Variants in RAP1GDS1 observed in about 807,000 individuals in gnomAD.
The protein encoded by RAP1GDS1 is RAP1, GTP-GDP dissociation stimulator 1.
Under a neutral mutation model 71.1 loss-of-function variants are expected in RAP1GDS1, and 35 were observed. The observed-to-expected ratio is 0.49, with a 90% CI of 0.38 to 0.65. The LOEUF is 0.65. RAP1GDS1 is among the 30% of genes least tolerant of loss of function. The pLI, the probability that RAP1GDS1 is intolerant of heterozygous loss-of-function variation, is 0.00. For missense variants in RAP1GDS1, 663 were observed against 706.1 expected (o/e 0.94, Z 0.69); for synonymous variants, 229 against 243.1 (o/e 0.94, Z 0.54).
chr4:98,289,554 C>CAAAAAAAAAAAAAA (rs6148589), intron 1 of RAP1GDS1, among the ~76,000 whole-genome samples: 2 of 101,976 alleles, frequency 2.0e-5, no homozygotes, highest in Non-Finnish European at 2.0e-5. Flanking sequence ...CTCTGGTAAA[C>CAAAAAAAAAAAAAA]AAAAAAAAAA....
At chr4:98,306,326 T>C (rs189083863) in intron 2 of RAP1GDS1, among the ~76,000 whole-genome samples, 1 of 152,292 alleles carries the variant, frequency 6.6e-6, no homozygotes, top group Admixed American at 6.5e-5. Flanking sequence ...CCATACCTCA[T>C]TGATGGTACC....
At chr4:98,325,452 G>A (rs1374488259) in intron 2 of RAP1GDS1, among the ~76,000 whole-genome samples, 1 of 151,784 alleles carries the variant, frequency 6.6e-6, no homozygotes, top group African/African-American at 2.4e-5. Flanking sequence ...AAATCATGCT[G>A]CTATAAAGAC....
At chr4:98,358,902 A>T (rs1738324850) in intron 4 of RAP1GDS1, among the ~76,000 whole-genome samples, 1 of 151,164 alleles carries the variant, frequency 6.6e-6, no homozygotes, top group Non-Finnish European at 1.5e-5. Flanking sequence ...TTTTTTTTTT[A>T]AATAACTTCT....
chr4:98,293,962 T>A (rs1727354573), intron 2 of RAP1GDS1, among the ~76,000 whole-genome samples: 1 of 152,164 alleles, frequency 6.6e-6, no homozygotes, highest in Non-Finnish European at 1.5e-5. Context: ...AAAATAATTG[T>A]ACCTTAAAAT....
At chr4:98,356,935 T>G (rs1471917410) in intron 4 of RAP1GDS1, among the ~76,000 whole-genome samples, 1 of 151,976 alleles carries the variant, frequency 6.6e-6, no homozygotes, top group Non-Finnish European at 1.5e-5. Context: ...CTACACTATT[T>G]TAATATAAAG....
chr4:98,289,586 T>G (rs1313751381), intron 1 of RAP1GDS1, among the ~76,000 whole-genome samples: 2 of 145,044 alleles, frequency 1.4e-5, no homozygotes, highest in African/African-American at 5.1e-5. Flanking sequence ...GAAAGAAAAG[T>G]AGGAAACTGA....
chr4:98,418,890 A>G (rs1277598410), intron 10 of RAP1GDS1, 99 bp downstream of exon 10: 2 of 1,176,166 alleles, frequency 1.7e-6, no homozygotes, highest in East Asian at 6.0e-5. Context: ...TCTGATGAAG[A>G]AAATTTAAAA....
intron 3 of RAP1GDS1, among the ~76,000 whole-genome samples, chr4:98,348,265 T>C (rs1313439751): frequency 1.3e-5 from 2 of 152,178 alleles, no homozygotes; most frequent in East Asian, 1.9e-4. Flanking sequence ...GGTTTCCACC[T>C]TCATCCATGT....
chr4:98,426,067 A>G (rs28882140), intron 12 of RAP1GDS1, among the ~76,000 whole-genome samples: 8,398 of 152,212 alleles, frequency 0.055, 610 homozygotes, highest in African/African-American at 0.17. Context: ...TCAACTCCAA[A>G]AGGAACCTTC....
intron 4 of RAP1GDS1, among the ~76,000 whole-genome samples, chr4:98,375,792 C>A (rs1741086980): frequency 6.6e-6 from 1 of 152,134 alleles, no homozygotes. Flanking sequence ...CTACTATATA[C>A]TAGGCATTTG....
intron 2 of RAP1GDS1, among the ~76,000 whole-genome samples, chr4:98,336,582 C>G (rs1734748537): frequency 6.6e-6 from 1 of 152,042 alleles, no homozygotes; most frequent in South Asian, 2.1e-4. Context: ...GGTTTTTGTT[C>G]TGCTATCTTT....
intron 1 of RAP1GDS1, among the ~76,000 whole-genome samples, chr4:98,262,044 G>A (rs774637580): frequency 5.3e-5 from 8 of 152,228 alleles, no homozygotes; most frequent in Non-Finnish European, 1.0e-4. Flanking sequence ...TCCTCATCCC[G>A]GGCGGGGAAG....
intron 6 of RAP1GDS1, among the ~76,000 whole-genome samples, chr4:98,400,528 TAAAAA>T (rs774732053): frequency 1.3e-5 from 1 of 74,382 alleles, no homozygotes; most frequent in African/African-American, 4.4e-5. Context: ...TTTATAGAAG[TAAAAA>T]AAAAAAAAAA....
Position 98,442,121 on chromosome 4 carries a change from C to G in RAP1GDS1, c.*4C>G. 1 of 1,612,212 alleles carries G rather than the reference C, an allele frequency of 6.2e-7. No individual in the cohort carries two copies. The highest frequency in any genetic ancestry group is 2.2e-5 in the East Asian group (1 of 44,858). On this transcript the variant is annotated 3_prime_UTR_variant, in exon 15 of 15. Coordinates refer to ENST00000408927, the MANE Select transcript of RAP1GDS1 (RefSeq NM_001100427.2). ...GAGACTTACTGTGGAAAGCTGAGAA[C>G]TGCCCGATACACGGCATCATCCCAT...
intron 2 of RAP1GDS1, among the ~76,000 whole-genome samples, chr4:98,301,189 T>A (rs1014014641): frequency 4.6e-5 from 7 of 152,304 alleles, no homozygotes; most frequent in South Asian, 2.1e-4. Flanking sequence ...TATTATTATT[T>A]TTTTTTACCT....
intron 14 of RAP1GDS1, chr4:98,441,418 T>C (rs1372495647): frequency 3.0e-6 from 3 of 984,982 alleles, no homozygotes; most frequent in African/African-American, 3.5e-5. Context: ...GTATAAACTT[T>C]TCTTTTGCCA....
chr4:98,326,164 CT>C (rs1173070736), intron 2 of RAP1GDS1, among the ~76,000 whole-genome samples: 1 of 151,976 alleles, frequency 6.6e-6, no homozygotes, highest in Non-Finnish European at 1.5e-5. Context: ...CAGAATAGAA[CT>C]TAATTCTTCC....
intron 2 of RAP1GDS1, among the ~76,000 whole-genome samples, chr4:98,294,116 T>C (rs1258495029): frequency 6.6e-6 from 1 of 152,078 alleles, no homozygotes; most frequent in Non-Finnish European, 1.5e-5. Context: ...TTGTGTTGCA[T>C]TTTATTTATC....
At chr4:98,381,390 A>C (rs887324513) in intron 5 of RAP1GDS1, among the ~76,000 whole-genome samples, 1 of 151,464 alleles carries the variant, frequency 6.6e-6, no homozygotes, top group Non-Finnish European at 1.5e-5. Flanking sequence ...TTTTCTTCTA[A>C]TGTTCACTGA....
Sources: gnomAD v4.1 joint callset for allele counts (sites outside exome capture counted in the v4.1 genomes callset) on GRCh38, gnomAD v4.1.1 for gene constraint, MANE v1.5 for transcripts, NCBI Gene and HGNC (gene_info 2026-07-23, HGNC 2026-07-21) for gene names.